PTPRD: variants seen among roughly 807,000 people sequenced by gnomAD.
The protein encoded by PTPRD is receptor-type tyrosine-protein phosphatase delta.
In PTPRD, 34 loss-of-function variants were observed where a neutral mutation model predicts 214.5. The ratio of observed to expected loss-of-function variants is 0.16; its 90% confidence interval spans 0.12 to 0.21. The LOEUF (loss-of-function observed/expected upper bound fraction) is 0.21, where lower values mean the gene tolerates loss of function less well. PTPRD is among the 10% of genes least tolerant of loss of function. The pLI is 1.00. For synonymous variants in PTPRD, 1,128 were observed against 845.7 expected (o/e 1.33, Z -5.79); for missense variants, 2,545 against 2,398.7 (o/e 1.06, Z -1.27).
intron 3 of PTPRD, among the ~76,000 whole-genome samples, chr9:10,040,274 A>T (rs2097271413): frequency 6.6e-6 from 1 of 152,032 alleles, no homozygotes; most frequent in Non-Finnish European, 1.5e-5. Flanking sequence ...TGAATTAGGA[A>T]CACTGACAGT....
chr9:8,934,478 A>AATATATATATAAATAT (rs2098979963), intron 11 of PTPRD, among the ~76,000 whole-genome samples: 1 of 8,472 alleles, frequency 1.2e-4, no homozygotes, highest in African/African-American at 3.6e-4. Flanking sequence ...TATATATATA[A>AATATATATATAAATAT]ATATATATAT....
chr9:9,501,090 G>A (rs1210414293), intron 8 of PTPRD, among the ~76,000 whole-genome samples: 1 of 151,566 alleles, frequency 6.6e-6, no homozygotes, highest in African/African-American at 2.4e-5. Flanking sequence ...GAAAAACAAG[G>A]CAATAAATAA....
At chr9:10,183,937 CACAT>C (rs1294512598) in intron 3 of PTPRD, among the ~76,000 whole-genome samples, 3 of 152,182 alleles carry the variant, frequency 2.0e-5, no homozygotes, top group African/African-American at 7.2e-5. Context: ...ATTTTCCCCT[CACAT>C]ACAATAATGT....
chr9:10,243,482 G>A (rs987299368), intron 3 of PTPRD, among the ~76,000 whole-genome samples: 1 of 151,844 alleles, frequency 6.6e-6, no homozygotes, highest in Admixed American at 6.6e-5. Context: ...TTTATGGTTT[G>A]AGTCGTCATC....
intron 8 of PTPRD, among the ~76,000 whole-genome samples, chr9:9,477,128 A>T (rs1028388333): frequency 6.6e-6 from 1 of 152,196 alleles, no homozygotes; most frequent in Non-Finnish European, 1.5e-5. Context: ...AAATGGTCCA[A>T]GAATGTAGGC....
intron 5 of PTPRD, chr9:9,800,646 T>C (rs886075669): frequency 7.2e-5 from 11 of 152,200 alleles, no homozygotes; most frequent in Non-Finnish European, 1.2e-4. Flanking sequence ...AACCACTTGT[T>C]TGATACTTTG....
At chr9:9,071,558 C>T (rs541459584) in intron 10 of PTPRD, among the ~76,000 whole-genome samples, 2 of 152,256 alleles carry the variant, frequency 1.3e-5, no homozygotes, top group African/African-American at 2.4e-5. Flanking sequence ...TGGATGGCCT[C>T]TGGTCCCTGA....
At chr9:8,640,561 C>CAAAAAAAAAAAAAAAA (rs201282830) in intron 12 of PTPRD, among the ~76,000 whole-genome samples, 4 of 105,452 alleles carry the variant, frequency 3.8e-5, no homozygotes, top group South Asian at 5.7e-4. Context: ...AACAAAAAAA[C>CAAAAAAAAAAAAAAAA]AAAAAAAAAA....
chr9:8,914,814 G>T (rs915940346), intron 11 of PTPRD, among the ~76,000 whole-genome samples: 2 of 152,010 alleles, frequency 1.3e-5, no homozygotes, highest in African/African-American at 4.8e-5. Context: ...ATGATTTAAG[G>T]TACCAATAAA....
chr9:9,368,347 G>A (rs531122075), intron 9 of PTPRD, among the ~76,000 whole-genome samples: 2 of 151,766 alleles, frequency 1.3e-5, no homozygotes, highest in African/African-American at 4.8e-5. Context: ...CATAAATCGG[G>A]CATAGGAAAA....
chr9:9,770,581 T>C (rs2098744198), intron 5 of PTPRD, among the ~76,000 whole-genome samples: 1 of 152,122 alleles, frequency 6.6e-6, no homozygotes, highest in African/African-American at 2.4e-5. Flanking sequence ...ACTATTCTCA[T>C]TCTGCTTGTT....
chr9:9,525,663 A>G (rs2073955756), intron 8 of PTPRD, among the ~76,000 whole-genome samples: 1 of 152,102 alleles, frequency 6.6e-6, no homozygotes. Flanking sequence ...TCAGGAATCT[A>G]AAAAGAAATA....
chr9:9,667,517 A>T (rs954205735), intron 7 of PTPRD, among the ~76,000 whole-genome samples: 3 of 152,138 alleles, frequency 2.0e-5, no homozygotes, highest in African/African-American at 7.2e-5. Context: ...GTAAGGAAGT[A>T]TTATTTAAAT....
At chr9:9,560,609 G>C (rs2082667013) in intron 8 of PTPRD, among the ~76,000 whole-genome samples, 1 of 152,158 alleles carries the variant, frequency 6.6e-6, no homozygotes, top group Admixed American at 6.5e-5. Context: ...CTCAGGGGCT[G>C]AAGACCCACT....
chr9:9,746,671 GA>G (rs1311743237), intron 6 of PTPRD, among the ~76,000 whole-genome samples: 33 of 152,124 alleles, frequency 2.2e-4, no homozygotes, highest in African/African-American at 7.7e-4. Context: ...ATAAGGCATA[GA>G]AAAGATGAAA....
chr9:8,892,542 T>G (rs2098548684), intron 11 of PTPRD, among the ~76,000 whole-genome samples: 3 of 150,810 alleles, frequency 2.0e-5, no homozygotes, highest in Admixed American at 1.3e-4. Context: ...TATATATATG[T>G]GTGTATATAT....
intron 9 of PTPRD, among the ~76,000 whole-genome samples, chr9:9,365,272 T>C (rs1380351618): frequency 6.6e-6 from 1 of 151,558 alleles, no homozygotes; most frequent in Non-Finnish European, 1.5e-5. Context: ...AAGCCTCATA[T>C]CCAGCAGTGA....
At position 8,636,983 on chromosome 9, in the gene PTPRD, A is replaced by T. The variant is rs113328979; in HGVS notation, c.65-139T>A. On this transcript the variant is annotated intron_variant, in intron 12 of 45. Coordinates refer to ENST00000381196, the MANE Select transcript of PTPRD (RefSeq NM_002839.4). ...TTTACAATGCACTATGGGATTACAAAATTAGAAAAGCATCTTTTACTTTTG... is the reference window on the plus strand; with the variant it reads ...TTTACAATGCACTATGGGATTACAATATTAGAAAAGCATCTTTTACTTTTG... The T allele has an allele frequency of 5.1e-3, 4,162 of 815,048 alleles. 114 individuals carry two copies. The African/African-American group carries it at 0.065, about 13-fold the overall frequency. 50.5% of individuals were successfully genotyped at this position (815,048 alleles called of 1,614,324 possible).
chr9:8,966,630 G>C (rs921154798), intron 11 of PTPRD, among the ~76,000 whole-genome samples: 1 of 151,924 alleles, frequency 6.6e-6, no homozygotes, highest in Non-Finnish European at 1.5e-5. Context: ...AGATTTAAAT[G>C]TAAGACCTCA....
Sources: gnomAD v4.1 joint callset for allele counts (sites outside exome capture counted in the v4.1 genomes callset) on GRCh38, gnomAD v4.1.1 for gene constraint, MANE v1.5 for transcripts, NCBI Gene and HGNC (gene_info 2026-07-23, HGNC 2026-07-21) for gene names.